Variants in TEP1 observed in about 807,000 individuals in gnomAD.
TEP1 encodes telomerase protein component 1.
Under a neutral mutation model 306.3 loss-of-function variants are expected in TEP1, and 241 were observed. That is an observed-to-expected ratio of 0.79 (90% CI 0.71 to 0.88). The LOEUF (loss-of-function observed/expected upper bound fraction) is 0.88. Among genes scored for constraint, TEP1 ranks in the 40% least tolerant of loss-of-function variants. The pLI is 0.00. For missense variants in TEP1, 3,051 were observed against 3,276.1 expected (o/e 0.93, Z 1.68); for synonymous variants, 1,289 against 1,305.5 (o/e 0.99, Z 0.27).
chr14:20,386,121 T>C lies in TEP1; in HGVS notation c.2936A>G (p.Tyr979Cys), dbSNP rs1253291925. Reference protein sequence around the residue: ...FVGILGSRYGYIPPSYNLPDH... With the variant: ...FVGILGSRYGCIPPSYNLPDH... ...AGGAAGGTTGTAGCTGGGGGGAATG[T>C]ATCCATAACGGGAGCCCAGAATCCC... The change falls in exon 20 of 55, where the codon TAC becomes TGC. Residue 979 changes from tyrosine (Y) to cysteine (C), a missense_variant. Tyr to Cys is a radical substitution (Grantham distance 194). This residue lies in a region of TEP1 where 1,507 missense variants were observed against 1,550.5 expected (regional missense o/e 0.97). Transcript: ENST00000262715. The C allele has an allele frequency of 2.2e-5, 36 of 1,613,118 alleles. No homozygotes were observed. The highest frequency in any genetic ancestry group is 2.8e-5 in the Non-Finnish European group (33 of 1,179,698).
At chr14:20,395,363 A>C in intron 12 of TEP1, 87 bp downstream of exon 12, 1 of 1,379,312 alleles carries the variant, frequency 7.2e-7, no homozygotes, top group Non-Finnish European at 9.8e-7. Context: ...CTTTACAGAA[A>C]AACAGTTGGG....
At position 20,366,011 on chromosome 14, in the gene TEP1, T is replaced by A. The variant is rs1334105590; in HGVS notation, c.*2426A>T. 1 of 152,224 alleles carries A rather than the reference T, an allele frequency of 6.6e-6. No homozygotes were observed. Among genetic ancestry groups the A allele is most frequent in the Non-Finnish European group, 1.5e-5 (1 of 68,040 alleles). 9.4% of individuals were successfully genotyped at this position (152,224 alleles called of 1,614,324 possible). On this transcript the variant is annotated 3_prime_UTR_variant, in exon 55 of 55. Coordinates refer to ENST00000262715, the MANE Select transcript of TEP1 (RefSeq NM_007110.5). ...TGAAACTCCATTTAAAGATAAGAACTTGAAGGATGTTTAATGTAAACCTAA... is the reference window on the plus strand; with the variant it reads ...TGAAACTCCATTTAAAGATAAGAACATGAAGGATGTTTAATGTAAACCTAA...
Position 20,368,891 on chromosome 14 carries a change from G to C in TEP1, c.7668C>G (p.Gly2556=), listed in dbSNP as rs1457139999. The C allele has an allele frequency of 6.2e-7, 1 of 1,613,620 alleles. No individual in the cohort carries two copies. The highest frequency in any genetic ancestry group is 8.5e-7 in the Non-Finnish European group (1 of 1,179,788). The part of the protein sequence containing the change: ...KTRQRRKIHS[G]SVTALHVLPE... The stretch of plus-strand genomic sequence containing the variant: ...GTAGCACATGGAGGGCTGTGACAGA[G>C]CCCGAGTGAATCTCAAAGAGGAAAG... The change falls in exon 54 of 55, where the codon GGC becomes GGG. Residue 2556 remains glycine (G), a synonymous_variant. Coordinates refer to ENST00000262715, the MANE Select transcript of TEP1 (RefSeq NM_007110.5).
At chr14:20,412,727 C>G (rs533271669) in intron 1 of TEP1, among the ~76,000 whole-genome samples, 113 of 117,664 alleles carry the variant, frequency 9.6e-4, no homozygotes, top group African/African-American at 3.4e-3. Flanking sequence ...CTCTGTTGTT[C>G]AGCTCACTGC....
intron 9 of TEP1, among the ~76,000 whole-genome samples, chr14:20,400,308 G>A (rs901389174): frequency 6.6e-6 from 1 of 151,546 alleles, no homozygotes; most frequent in Non-Finnish European, 1.5e-5. Flanking sequence ...GTGTGTGTGT[G>A]TGTGCAGTGG....
intron 2 of TEP1, 98 bp from the exon 3 acceptor site, chr14:20,406,498 C>T: frequency 1.6e-6 from 2 of 1,247,180 alleles, no homozygotes; most frequent in African/African-American, 3.0e-5. Flanking sequence ...GAAAAGTCTA[C>T]ATCTCCATTA....
chr14:20,388,199 A>T, intron 17 of TEP1, 136 bp from the exon 18 acceptor site: 1 of 875,298 alleles, frequency 1.1e-6, no homozygotes, highest in South Asian at 1.6e-5. Flanking sequence ...GAAGAGGACC[A>T]TAAGCAGTTT....
At chr14:20,398,716 A>G (rs966318353) in intron 9 of TEP1, among the ~76,000 whole-genome samples, 5 of 152,142 alleles carry the variant, frequency 3.3e-5, no homozygotes, top group African/African-American at 1.2e-4. Flanking sequence ...TCCTGGACAG[A>G]GGTGCATTCA....
At chr14:20,372,982 G>C in intron 48 of TEP1, 29 bp downstream of exon 48, 1 of 1,614,002 alleles carries the variant, frequency 6.2e-7, no homozygotes, top group African/African-American at 1.3e-5. Context: ...AATTCACACA[G>C]ACAAAGAACC....
At chr14:20,407,295 A>G (rs577783499) in intron 2 of TEP1, among the ~76,000 whole-genome samples, 1 of 152,360 alleles carries the variant, frequency 6.6e-6, no homozygotes, top group Admixed American at 6.5e-5. Context: ...TGCTATAGTA[A>G]CATTAAGCTG....
At chr14:20,376,457 C>T (rs28566032) in intron 41 of TEP1, among the ~76,000 whole-genome samples, 193 bp from the exon 42 acceptor site, 1 of 152,118 alleles carries the variant, frequency 6.6e-6, no homozygotes, top group Admixed American at 6.5e-5. Context: ...GTACATAGGA[C>T]GGGAACGTGC....
In TEP1 at chr14:20,401,076, G is replaced by A; in HGVS notation, c.1457C>T (p.Ala486Val). ...CCTAGACAGCTTCATCCTCTTCCCA[G>A]CTCTGCTAGAATCCCAAGGCCCAGG... ...RLPGPWDSSR[A>V]GKRMKLSRPE... Residue 486 changes from alanine (A) to valine (V), a missense_variant, in exon 9 of 55, where the codon GCT becomes GTT. By Grantham distance (64) the Ala-to-Val change is moderately conservative. Transcript: ENST00000262715. 2 of 1,614,116 alleles carry A rather than the reference G, an allele frequency of 1.2e-6. No individual in the cohort carries two copies. The highest frequency in any genetic ancestry group is 1.7e-6 in the Non-Finnish European group (2 of 1,180,058).
rs774610663 is a variant in TEP1 at position 20,377,704 on chromosome 14, G to A, written c.5771C>T (p.Ser1924Phe). 9.9e-6 allele frequency: 16 copies of A among 1,613,902 alleles called. No homozygotes were observed. In the South Asian group the frequency reaches 1.5e-4, roughly 16 times the overall value. ...AGAGAGGGCAGGAGAGAGAGAAAGG[G>A]AACCCAGGTGCCCACGGGGCCGACC... Reference protein sequence around the residue: ...SLGRPRGHLGSLSLSPALSVA... With the variant: ...SLGRPRGHLGFLSLSPALSVA... Residue 1924 changes from serine to phenylalanine, a missense_variant, in exon 40 of 55, where the codon TCC becomes TTC. Ser to Phe is a radical substitution (Grantham distance 155). Transcript: ENST00000262715.
At chr14:20,371,964 G>A (rs1050754234) in intron 49 of TEP1, among the ~76,000 whole-genome samples, 9 of 152,008 alleles carry the variant, frequency 5.9e-5, no homozygotes, top group Non-Finnish European at 7.4e-5. Context: ...CCCACATTAC[G>A]TCTTTCCTAG....
Position 20,389,618 on chromosome 14 carries a change from TAC to T in TEP1, c.2455_2456del (p.Val819ThrfsTer11). The part of the protein sequence containing the change: ...CLFVGILLRR[V>X]QYLSTDLNPN... ...AGTATAAGCACCCTTACAGGTATTG[TAC>T]CCTTCTTAGGAGGATACCAACAAAG... On this transcript the variant is annotated frameshift_variant, in exon 16 of 55. Transcript: ENST00000262715. LOFTEE classifies it high-confidence loss of function. The T allele has an allele frequency of 1.2e-6, 2 of 1,614,158 alleles. No homozygotes were observed. Among genetic ancestry groups the T allele is most frequent in the South Asian group, 2.2e-5 (2 of 91,086 alleles).
rs372753389 is a variant in TEP1 at position 20,373,472 on chromosome 14, C to T, written c.6681+35G>A. 2.5e-6 allele frequency: 4 copies of T among 1,613,906 alleles called. No homozygotes were observed. In the African/African-American group the frequency reaches 5.3e-5, roughly 22 times the overall value. ...AGAAGGTTATTCCGCATACCTTCCC[C>T]ACCTCCCTTGACTCTGGTCCTTGCA... On this transcript the variant is annotated intron_variant, in intron 46 of 54. Transcript: ENST00000262715.
In TEP1 at chr14:20,404,632, G is replaced by C. The variant is rs772286946; in HGVS notation, c.1011C>G (p.Ile337Met). 4 of 1,613,774 alleles carry C rather than the reference G, an allele frequency of 2.5e-6. No homozygotes were observed. The highest frequency in any genetic ancestry group is 3.4e-6 in the Non-Finnish European group (4 of 1,179,840). Residue 337 changes from isoleucine to methionine, a missense_variant, in exon 5 of 55, where the codon ATC (isoleucine) becomes ATG (methionine). Physicochemically the swap from Ile to Met is conservative, Grantham distance 10. Transcript: ENST00000262715. Reference protein sequence around the residue: ...CAIVQLPSDWIQVAELYQSLA... With the variant: ...CAIVQLPSDWMQVAELYQSLA... ...ATACCTGGTAAAGCTCAGCCACCTG[G>C]ATCCAGTCAGAAGGCAGCTGGACAA...
rs751213478 is a variant in TEP1, at chr14:20,384,729, C to T, written c.3108-16G>A. The T allele has an allele frequency of 1.2e-6, 2 of 1,606,510 alleles. No homozygotes were observed. The highest frequency in any genetic ancestry group is 1.1e-5 in the South Asian group (1 of 90,990). ...TGGCACAGAGCTGACCACCAAAGACCCCAAAAGTTGGAATAGACTCAGACC... is the reference window on the plus strand; with the variant it reads ...TGGCACAGAGCTGACCACCAAAGACTCCAAAAGTTGGAATAGACTCAGACC... On this transcript the variant is annotated splice_polypyrimidine_tract_variant and intron_variant, in intron 21 of 54. Coordinates refer to ENST00000262715, the MANE Select transcript of TEP1 (RefSeq NM_007110.5).
chr14:20,405,350 C>T (rs1879090765), intron 4 of TEP1, 101 bp downstream of exon 4: 2 of 1,337,982 alleles, frequency 1.5e-6, no homozygotes, highest in African/African-American at 3.1e-5. Flanking sequence ...GAAGCTCCTC[C>T]CACCCCCAAC....
Sources: gnomAD v4.1 joint callset for allele counts (sites outside exome capture counted in the v4.1 genomes callset) on GRCh38, gnomAD v4.1.1 for gene constraint, gnomAD v4.1.1 regional missense constraint, MANE v1.5 for transcripts, NCBI Gene and HGNC (gene_info 2026-07-23, HGNC 2026-07-21) for gene names.